The following TYW1 variants were observed in gnomAD, a reference collection of about 807,000 sequenced individuals.
TYW1 encodes tRNA-yW synthesizing protein 1 homolog, also known as S-adenosyl-L-methionine-dependent tRNA 4-demethylwyosine synthase TYW1.
A neutral mutation model predicts 96.2 loss-of-function variants in TYW1; 46 were observed. The observed-to-expected ratio is 0.48, with a 90% confidence interval of 0.38 to 0.61. The LOEUF is 0.61. Among genes scored for constraint, TYW1 ranks in the 20% least tolerant of loss-of-function variants. The probability of loss-of-function intolerance (pLI) is 0.00; values close to 1 mark genes in which losing one functional copy is unlikely to be tolerated. For missense variants in TYW1, 684 were observed against 909.6 expected (o/e 0.75, Z 3.19); for synonymous variants, 274 against 323.0 (o/e 0.85, Z 1.63).
Position 67,067,298 on chromosome 7 carries a change from G to A in TYW1, c.1169G>A (p.Gly390Glu). 6.2e-7 allele frequency: 1 copy of A among 1,613,972 alleles called. No homozygotes were observed. The highest frequency in any genetic ancestry group is 8.5e-7 in the Non-Finnish European group (1 of 1,179,864). The change falls in exon 10 of 16, where the codon GGG (glycine) becomes GAG (glutamate). Residue 390 changes from glycine to glutamate, a missense_variant. Gly to Glu is a moderately conservative substitution (Grantham distance 98). Transcript: ENST00000359626. ...LCRWTKSMLRGRGGCYKHTFY... is the reference protein window; with the variant it reads ...LCRWTKSMLRERGGCYKHTFY... The stretch of plus-strand genomic sequence containing the variant: ...TACTTGTCATAGTCCATGCTCCGAG[G>A]GAGAGGAGGTTGTTACAAACACACA...
At chr7:67,062,753 A>C (rs556648627) in intron 9 of TYW1, among the ~76,000 whole-genome samples, 18 of 152,300 alleles carry the variant, frequency 1.2e-4, no homozygotes, top group African/African-American at 3.8e-4. Flanking sequence ...AAACTCAACC[A>C]AAATATATAA....
chr7:67,124,571 C>T (rs1473979293), intron 13 of TYW1, among the ~76,000 whole-genome samples: 1 of 152,018 alleles, frequency 6.6e-6, no homozygotes, highest in African/African-American at 2.4e-5. Flanking sequence ...AACAACTATG[C>T]CAACTTTGAT....
intron 13 of TYW1, among the ~76,000 whole-genome samples, chr7:67,168,836 C>T (rs6460332): frequency 0.057 from 8,589 of 151,990 alleles, 505 homozygotes; most frequent in East Asian, 0.16. Context: ...CTCAGCCTCC[C>T]GAGTAGCTGG....
At chr7:66,997,921 G>C in intron 1 of TYW1, 144 bp from the exon 2 acceptor site, 3 of 1,143,310 alleles carry the variant, frequency 2.6e-6, no homozygotes, top group Non-Finnish European at 3.6e-6. Context: ...GAGCCATCGT[G>C]CCCGGCCAAC....
At chr7:67,100,304 GGCACAC>G (rs1797046404) in intron 12 of TYW1, among the ~76,000 whole-genome samples, 1 of 151,992 alleles carries the variant, frequency 6.6e-6, no homozygotes, top group African/African-American at 2.4e-5. Flanking sequence ...ACTGGGACTA[GGCACAC>G]GCTGTAACAC....
chr7:67,223,502 G>A (rs1801462330), intron 15 of TYW1, among the ~76,000 whole-genome samples: 1 of 151,758 alleles, frequency 6.6e-6, no homozygotes, highest in African/African-American at 2.4e-5. Flanking sequence ...TAATGTCTTA[G>A]TCTTTAATGT....
intron 7 of TYW1, 142 bp from the exon 8 acceptor site, chr7:67,049,806 TA>T: frequency 1.0e-6 from 1 of 984,690 alleles, no homozygotes; most frequent in Non-Finnish European, 1.5e-6. Flanking sequence ...CCTGGCCTCC[TA>T]AAATGCTGGG....
At chr7:67,029,415 G>GTGTGTATATATATA (rs1241213574) in intron 7 of TYW1, among the ~76,000 whole-genome samples, 11 of 94,346 alleles carry the variant, frequency 1.2e-4, no homozygotes, top group African/African-American at 2.5e-4. Flanking sequence ...GTGTGTGTGT[G>GTGTGTATATATATA]TATATATATA....
chr7:67,159,916 T>C (rs1799107503), intron 13 of TYW1, among the ~76,000 whole-genome samples: 1 of 151,592 alleles, frequency 6.6e-6, no homozygotes. Flanking sequence ...TTCTCCTGCC[T>C]CAGCCTCCCA....
chr7:67,154,362 C>A (rs571572127), intron 13 of TYW1, among the ~76,000 whole-genome samples: 1 of 152,156 alleles, frequency 6.6e-6, no homozygotes, highest in African/African-American at 2.4e-5. Flanking sequence ...ATATAGGACT[C>A]CCTTAAACAT....
intron 13 of TYW1, among the ~76,000 whole-genome samples, chr7:67,135,713 T>C (rs11765279): frequency 0.28 from 42,050 of 151,920 alleles, 6,660 homozygotes; most frequent in African/African-American, 0.44. Context: ...GCTGCTCTTC[T>C]AGCACCTGGC....
At chr7:67,196,126 T>C (rs1281878231) in intron 15 of TYW1, among the ~76,000 whole-genome samples, 1 of 152,042 alleles carries the variant, frequency 6.6e-6, no homozygotes, top group African/African-American at 2.4e-5. Context: ...GGGTAGTTTC[T>C]ATTGATTCAT....
chr7:67,169,493 C>T (rs4718471), intron 13 of TYW1, among the ~76,000 whole-genome samples: 42,785 of 151,968 alleles, frequency 0.28, 6,535 homozygotes, highest in African/African-American at 0.4. Flanking sequence ...TTCTGTCTCC[C>T]GGGTTCAAGT....
intron 3 of TYW1, among the ~76,000 whole-genome samples, chr7:67,004,628 C>T (rs1347602079): frequency 1.3e-5 from 2 of 152,178 alleles, no homozygotes; most frequent in Non-Finnish European, 2.9e-5. Context: ...TTAGCACTTC[C>T]TTAAGGACCT....
chr7:67,073,446 A>G (rs953407360), intron 10 of TYW1, among the ~76,000 whole-genome samples: 7 of 152,136 alleles, frequency 4.6e-5, no homozygotes, highest in Non-Finnish European at 7.4e-5. Context: ...ATTTCAGTGA[A>G]GGGTATTGCT....
chr7:67,143,371 T>G (rs111974301), intron 13 of TYW1, among the ~76,000 whole-genome samples: 3 of 152,210 alleles, frequency 2.0e-5, no homozygotes, highest in Non-Finnish European at 4.4e-5. Context: ...CAAGAAGTGA[T>G]AGCGGAACTG....
chr7:67,234,908 C>T (rs544026661), intron 15 of TYW1, among the ~76,000 whole-genome samples: 3 of 150,790 alleles, frequency 2.0e-5, no homozygotes, highest in East Asian at 1.9e-4. Context: ...TGTATATTTG[C>T]GTGTACTAGA....
At chr7:67,164,958 G>A (rs930891867) in intron 13 of TYW1, among the ~76,000 whole-genome samples, 5 of 150,972 alleles carry the variant, frequency 3.3e-5, no homozygotes, top group Non-Finnish European at 7.4e-5. Context: ...ATGTCCATAG[G>A]CTACATTTTT....
chr7:67,177,783 G>A (rs1236393755), intron 13 of TYW1, among the ~76,000 whole-genome samples: 2 of 152,014 alleles, frequency 1.3e-5, no homozygotes, highest in Non-Finnish European at 2.9e-5. Context: ...TGCTAAGGTC[G>A]AATGTATACA....
Sources: allele counts gnomAD v4.1 joint callset (sites outside exome capture counted in the v4.1 genomes callset), GRCh38; gene constraint gnomAD v4.1.1; transcripts MANE v1.5; gene names NCBI Gene and HGNC (gene_info 2026-07-23, HGNC 2026-07-21).